The following PCDH15 variants were observed in gnomAD, a reference collection of about 807,000 sequenced individuals.
The protein encoded by PCDH15 is protocadherin-15.
In PCDH15, 129 loss-of-function variants were observed where a neutral mutation model predicts 178.5. That is an observed-to-expected ratio of 0.72 (90% CI 0.63 to 0.84). The LOEUF is 0.84. Ranked by LOEUF, PCDH15 falls within the 40% of genes least tolerant of loss-of-function variation. PCDH15 has a pLI of 0.00. For missense variants in PCDH15, 2,230 were observed against 2,099.9 expected (o/e 1.06, Z -1.21); for synonymous variants, 800 against 732.0 (o/e 1.09, Z -1.50).
Position 55,381,618 on chromosome 10 carries a change from A to G in PCDH15, c.-155-214967T>C, listed in dbSNP as rs139830839. ...CCCATGATGGGAAGGGGTGGAAGGT[A>G]CAAGCCTGACTGAAGGCACTGAGAG... On this transcript the variant is annotated intron_variant, in intron 2 of 5. Coordinates refer to the PCDH15 transcript ENST00000613346. Among the ~76,000 whole-genome samples the G allele has an allele frequency of 3.3e-3, 503 of 152,216 alleles. 2 individuals carry two copies. Among genetic ancestry groups the G allele is most frequent in the African/African-American group, 9.8e-3 (407 of 41,552 alleles).
intron 1 of PCDH15, among the ~76,000 whole-genome samples, chr10:55,261,254 C>T (rs182708154): frequency 2.0e-5 from 3 of 152,194 alleles, no homozygotes; most frequent in African/African-American, 4.8e-5. Context: ...TTGAAATAGC[C>T]TGTCTTCTTT....
At chr10:54,240,718 G>A (rs1478102890) in intron 8 of PCDH15, among the ~76,000 whole-genome samples, 6 of 127,342 alleles carry the variant, frequency 4.7e-5, no homozygotes, top group African/African-American at 8.9e-5. Context: ...TGCAAGCTCC[G>A]CCTCCCGGGT....
At chr10:54,295,100 A>T (rs1318049805) in intron 8 of PCDH15, among the ~76,000 whole-genome samples, 2 of 152,204 alleles carry the variant, frequency 1.3e-5, no homozygotes, top group Admixed American at 6.5e-5. Flanking sequence ...CATTCCAGTC[A>T]TATTGAATTA....
chr10:54,082,832 A>G (rs758872395), intron 16 of PCDH15, among the ~76,000 whole-genome samples: 20 of 152,098 alleles, frequency 1.3e-4, no homozygotes, highest in Non-Finnish European at 2.9e-4. Context: ...ATATAACTGG[A>G]GAAAATACTT....
At chr10:55,212,499 A>G (rs1300599477) in intron 1 of PCDH15, among the ~76,000 whole-genome samples, 1 of 151,988 alleles carries the variant, frequency 6.6e-6, no homozygotes, top group Non-Finnish European at 1.5e-5. Flanking sequence ...ACCTTGGGTG[A>G]TACTCCAGAC....
intron 8 of PCDH15, among the ~76,000 whole-genome samples, chr10:54,277,136 T>C (rs1217512982): frequency 6.6e-6 from 1 of 151,604 alleles, no homozygotes; most frequent in African/African-American, 2.4e-5. Flanking sequence ...AAAAATACCC[T>C]AACTGATCTG....
At chr10:55,409,502 T>C (rs950354805) in intron 2 of PCDH15, among the ~76,000 whole-genome samples, 3 of 152,090 alleles carry the variant, frequency 2.0e-5, no homozygotes, top group Admixed American at 2.0e-4. Flanking sequence ...GTGGGCTTTT[T>C]TGTTTGTTTG....
At chr10:55,141,750 ATGG>A (rs1838358843) in intron 2 of PCDH15, among the ~76,000 whole-genome samples, 1 of 152,100 alleles carries the variant, frequency 6.6e-6, no homozygotes, top group Non-Finnish European at 1.5e-5. Context: ...GAAAAGACAG[ATGG>A]TTATGTAAAT....
At chr10:54,281,649 C>T (rs892291227) in intron 8 of PCDH15, among the ~76,000 whole-genome samples, 2 of 151,876 alleles carry the variant, frequency 1.3e-5, no homozygotes, top group African/African-American at 4.8e-5. Context: ...TTTTGTTTTA[C>T]AATTTATAAT....
At chr10:55,423,235 A>G (rs1459217330) in intron 2 of PCDH15, among the ~76,000 whole-genome samples, 1 of 152,028 alleles carries the variant, frequency 6.6e-6, no homozygotes, top group Non-Finnish European at 1.5e-5. Context: ...TAAAATTAAC[A>G]CACTTTAAAT....
At chr10:54,597,112 C>T (rs755684679) in intron 2 of PCDH15, among the ~76,000 whole-genome samples, 15 of 152,102 alleles carry the variant, frequency 9.9e-5, no homozygotes, top group Non-Finnish European at 1.8e-4. Context: ...GAAACAGCTA[C>T]ATAACTGTTC....
In PCDH15 at chr10:53,857,241, T is replaced by C; in HGVS notation, c.3740A>G (p.Asp1247Gly). The change falls in exon 28 of 38, where the codon GAT becomes GGT. Residue 1247 changes from aspartate to glycine, a missense_variant. Coordinates refer to ENST00000644397, the MANE Select transcript of PCDH15 (RefSeq NM_001384140.1). ...CACATTGGAAACAATGACTTGCATATCCAGCTGATTGACCACGGAGACCTG... is the reference window on the plus strand; with the variant it reads ...CACATTGGAAACAATGACTTGCATACCCAGCTGATTGACCACGGAGACCTG... ...DVLVSVVNQL[D>G]MQVIVSNVPP... The C allele has an allele frequency of 1.2e-6, 2 of 1,611,782 alleles. No individual in the cohort carries two copies. The highest frequency in any genetic ancestry group is 1.7e-6 in the Non-Finnish European group (2 of 1,178,260).
At chr10:54,652,091 A>T in intron 2 of PCDH15, among the ~76,000 whole-genome samples, 1 of 152,226 alleles carries the variant, frequency 6.6e-6, no homozygotes, top group Non-Finnish European at 1.5e-5. Context: ...GAGTAAATGT[A>T]GATAGAAAAT....
At chr10:54,267,658 A>T (rs1172165830) in intron 8 of PCDH15, among the ~76,000 whole-genome samples, 1 of 151,848 alleles carries the variant, frequency 6.6e-6, no homozygotes, top group Non-Finnish European at 1.5e-5. Flanking sequence ...AATCAAGAAC[A>T]CAATCCCATT....
At chr10:53,951,505 C>T (rs1466245419) in intron 23 of PCDH15, among the ~76,000 whole-genome samples, 1 of 152,208 alleles carries the variant, frequency 6.6e-6, no homozygotes, top group East Asian at 1.9e-4. Flanking sequence ...AATTCTAAGA[C>T]ACTAATATCA....
chr10:54,336,391 T>G (rs1331875779), intron 6 of PCDH15, among the ~76,000 whole-genome samples: 2 of 152,184 alleles, frequency 1.3e-5, no homozygotes, highest in Non-Finnish European at 2.9e-5. Flanking sequence ...CCTCCCATCA[T>G]AGGCCAGGAG....
intron 17 of PCDH15, among the ~76,000 whole-genome samples, chr10:54,069,427 G>T (rs575297559): frequency 1.5e-4 from 23 of 152,190 alleles, no homozygotes; most frequent in Non-Finnish European, 2.6e-4. Flanking sequence ...ATAATTTTGT[G>T]CTAATAGGGG....
intron 2 of PCDH15, among the ~76,000 whole-genome samples, chr10:54,593,576 T>G (rs1054164556): frequency 4.6e-5 from 7 of 152,166 alleles, no homozygotes; most frequent in African/African-American, 1.7e-4. Flanking sequence ...ATTAGATTTG[T>G]AAATTATTTT....
intron 2 of PCDH15, among the ~76,000 whole-genome samples, chr10:55,495,619 T>C (rs955247570): frequency 6.6e-6 from 1 of 151,830 alleles, no homozygotes; most frequent in African/African-American, 2.4e-5. Context: ...GTAGAGAAAT[T>C]AGAATATTCA....
Sources: allele counts gnomAD v4.1 joint callset (sites outside exome capture counted in the v4.1 genomes callset), GRCh38; gene constraint gnomAD v4.1.1; transcripts MANE v1.5; gene names NCBI Gene and HGNC (gene_info 2026-07-23, HGNC 2026-07-21).